Variants in FBXW10 observed in about 807,000 individuals in gnomAD.
FBXW10 encodes F-box and WD repeat domain containing 10.
In FBXW10, 68 loss-of-function variants were observed where a neutral mutation model predicts 113.1. The observed-to-expected ratio is 0.60, with a 90% CI of 0.49 to 0.74. FBXW10 has a LOEUF of 0.74. Ranked by LOEUF, FBXW10 falls within the 30% of genes least tolerant of loss-of-function variation. FBXW10 has a pLI of 0.00. For missense variants in FBXW10, 753 were observed against 1,284.5 expected (o/e 0.59, Z 6.32); for synonymous variants, 289 against 481.6 (o/e 0.60, Z 5.24).
intron 5 of FBXW10, among the ~76,000 whole-genome samples, chr17:18,753,517 C>A: frequency 6.6e-6 from 1 of 152,090 alleles, no homozygotes; most frequent in Non-Finnish European, 1.5e-5. Context: ...TGAAATAAAC[C>A]TGTTGACTGT....
Position 18,768,591 on chromosome 17 carries a change from C to T in FBXW10, c.1762C>T (p.Leu588Phe). The T allele has an allele frequency of 6.2e-7, 1 of 1,614,070 alleles. No homozygotes were observed. Among genetic ancestry groups the T allele is most frequent in the Non-Finnish European group, 8.5e-7 (1 of 1,179,978 alleles). The change falls in exon 10 of 14, where the codon CTC (leucine) becomes TTC (phenylalanine). Residue 588 changes from leucine to phenylalanine, a missense_variant. Physicochemically the swap from Leu to Phe is conservative, Grantham distance 22 (BLOSUM62 0). Coordinates refer to ENST00000395665, the MANE Select transcript of FBXW10 (RefSeq NM_001267585.2). ...CCTGTTCTTTGACCAGTGGCATCTC[C>T]TCTCAGGAAGTACTGATGGCCTGGT... is the stretch of plus-strand genomic sequence containing the variant. ...KCLFFDQWHL[L>F]SGSTDGLVMA... is the part of the protein sequence containing the mutation.
rs1026259 is a variant in FBXW10 at position 18,778,600 on chromosome 17, G to A, written c.2461G>A (p.Ala821Thr). The stretch of plus-strand genomic sequence containing the variant: ...TGACCAATTCCTCCTGACTGTTAGC[G>A]CCCTGCAGCACGCCCATAATTCCGG... The part of the protein sequence containing the change: ...SPDQFLLTVS[A>T]LQHAHNSGEF... The change falls in exon 14 of 14, where the codon GCC becomes ACC. Residue 821 changes from alanine to threonine, a missense_variant. Transcript: ENST00000395665. 131,615 of 1,613,486 alleles carry A rather than the reference G, an allele frequency of 0.082. 5,445 individuals are homozygous for A. The highest frequency in any genetic ancestry group is 0.11 in the Middle Eastern group (663 of 6,056).
chr17:18,775,742 G>T (rs1477162828), intron 13 of FBXW10, among the ~76,000 whole-genome samples: 1 of 152,164 alleles, frequency 6.6e-6, no homozygotes. Context: ...AAGAAGTGTT[G>T]CTAGGATGGG....
At chr17:18,757,053 T>C (rs1362765967) in intron 6 of FBXW10, among the ~76,000 whole-genome samples, 3 of 152,162 alleles carry the variant, frequency 2.0e-5, no homozygotes, top group Non-Finnish European at 4.4e-5. Flanking sequence ...CTTATATATA[T>C]GTGTGTACAT....
chr17:18,765,542 G>A (rs1331264331), intron 8 of FBXW10, among the ~76,000 whole-genome samples: 1 of 152,204 alleles, frequency 6.6e-6, no homozygotes, highest in Non-Finnish European at 1.5e-5. Flanking sequence ...GTCTTGTGAC[G>A]ATGAGCATGT....
intron 11 of FBXW10, among the ~76,000 whole-genome samples, chr17:18,770,660 C>T (rs1353232511): frequency 4.6e-5 from 7 of 152,064 alleles, no homozygotes; most frequent in Admixed American, 2.0e-4. Flanking sequence ...TGCAACATAA[C>T]GCTTCTGTAA....
At position 18,769,939 on chromosome 17, in the gene FBXW10, C is replaced by A. The variant is rs150006059; in HGVS notation, c.1860C>A (p.Asp620Glu). ...MAFKHPKEVL[D>E]VSLLFLRVIS... ...TGTTCCCTTCCAGGGAGGTGCTCGA[C>A]GTGTCCCTTCTCTTCCTCCGGGTCA... The change falls in exon 11 of 14, where the codon GAC (aspartate) becomes GAA (glutamate). Residue 620 changes from aspartate (D) to glutamate (E), a missense_variant. By Grantham distance (45) the Asp-to-Glu change is conservative. Coordinates refer to ENST00000395665, the MANE Select transcript of FBXW10 (RefSeq NM_001267585.2). 1.2e-6 allele frequency: 2 copies of A among 1,614,040 alleles called. No individual in the cohort carries two copies. Among genetic ancestry groups the A allele is most frequent in the Admixed American group, 3.3e-5 (2 of 60,002 alleles).
rs2035070931 is a variant in FBXW10 at position 18,747,944 on chromosome 17, T to A, written c.509T>A (p.Leu170His). 6.2e-7 allele frequency: 1 copy of A among 1,613,746 alleles called. No homozygotes were observed. Among genetic ancestry groups the A allele is most frequent in the Admixed American group, 1.7e-5 (1 of 59,994 alleles). ...FLREENNISG[L>H]NQDITDVCFS... is the part of the protein sequence containing the mutation. The stretch of plus-strand genomic sequence containing the variant: ...GTCTTGGTCTTCTGTGTTTCAGGGC[T>A]CAATCAAGACATCACAGATGTGTGT... Residue 170 changes from leucine to histidine, a missense_variant, in exon 2 of 14, where the codon CTC (leucine) becomes CAC (histidine). By Grantham distance (99) the Leu-to-His change is moderately conservative (BLOSUM62 -3). Transcript: ENST00000395665.
chr17:18,752,965 CAGA>C (rs1219559557), intron 5 of FBXW10, among the ~76,000 whole-genome samples: 1 of 152,186 alleles, frequency 6.6e-6, no homozygotes, highest in Non-Finnish European at 1.5e-5. Context: ...AATGGCCCAA[CAGA>C]AGGACTACCC....
Position 18,778,522 on chromosome 17 carries a change from G to A in FBXW10, c.2383G>A (p.Gly795Arg), listed in dbSNP as rs762357073. 6.2e-6 allele frequency: 10 copies of A among 1,613,550 alleles called. No homozygotes were observed. The Admixed American group carries it at 1.2e-4, about 19-fold the overall frequency. The change falls in exon 14 of 14, where the codon GGA (glycine) becomes AGA (arginine). Residue 795 changes from glycine to arginine, a missense_variant. By Grantham distance (125) the Gly-to-Arg change is moderately radical (BLOSUM62 -2). Coordinates refer to ENST00000395665, the MANE Select transcript of FBXW10 (RefSeq NM_001267585.2). Reference sequence around the variant, plus strand: ...AAAACAAGGACAATTGGAAACTCCTGGAAAACTGCCCAGTCACCCAAAGAA... The same window carrying A: ...AAAACAAGGACAATTGGAAACTCCTAGAAAACTGCCCAGTCACCCAAAGAA... ...AQKQGQLETP[G>R]KLPSHPKKKS...
intron 13 of FBXW10, among the ~76,000 whole-genome samples, chr17:18,777,283 C>T (rs1276740093): frequency 1.3e-5 from 2 of 151,736 alleles, no homozygotes; most frequent in African/African-American, 4.8e-5. Flanking sequence ...AGGCTGGTCT[C>T]GAACTCCCGA....
intron 11 of FBXW10, among the ~76,000 whole-genome samples, chr17:18,770,448 G>A (rs1339769890): frequency 1.3e-5 from 2 of 151,872 alleles, no homozygotes; most frequent in African/African-American, 2.4e-5. Context: ...GATTACAGGC[G>A]CCCACCAGTA....
chr17:18,776,580 A>G (rs1299141765), intron 13 of FBXW10, among the ~76,000 whole-genome samples: 2 of 152,228 alleles, frequency 1.3e-5, no homozygotes, highest in Non-Finnish European at 2.9e-5. Flanking sequence ...TGAAGGGTAA[A>G]GTCCTACGAG....
chr17:18,768,007 TTTCCTTCCTTCCTTCCTTTCTTCC>T (rs1010890266), intron 9 of FBXW10, among the ~76,000 whole-genome samples: 5 of 84,282 alleles, frequency 5.9e-5, no homozygotes, highest in African/African-American at 1.6e-4. Context: ...TATTTTTTCT[TTTCCTTCCTTCCTTCCTTTCTTCC>T]TTCCTTCCTT....
intron 5 of FBXW10, among the ~76,000 whole-genome samples, chr17:18,755,467 A>C (rs1231800864): frequency 1.3e-5 from 2 of 152,144 alleles, no homozygotes; most frequent in African/African-American, 4.8e-5. Context: ...AGGCAGGAGA[A>C]TCACTTGAAC....
chr17:18,761,021 C>G (rs1454244234), intron 7 of FBXW10, among the ~76,000 whole-genome samples: 1 of 152,026 alleles, frequency 6.6e-6, no homozygotes, highest in African/African-American at 2.4e-5. Context: ...ATAAAGTGAG[C>G]AGTTTCTCCC....
chr17:18,745,781 A>G (rs915202117), intron 1 of FBXW10, among the ~76,000 whole-genome samples: 2 of 152,198 alleles, frequency 1.3e-5, no homozygotes, highest in African/African-American at 2.4e-5. Flanking sequence ...TCTGTCTTTG[A>G]GAATCACAGG....
intron 1 of FBXW10, among the ~76,000 whole-genome samples, chr17:18,747,720 G>A (rs1181706557): frequency 1.3e-5 from 2 of 151,936 alleles, no homozygotes; most frequent in Non-Finnish European, 2.9e-5. Context: ...TAAACAACTC[G>A]AGAAATTTTA....
chr17:18,778,491 A>G lies in FBXW10; in HGVS notation c.2352A>G (p.Lys784=), dbSNP rs2035742527. The G allele has an allele frequency of 2.5e-6, 4 of 1,613,248 alleles. No individual in the cohort carries two copies. The African/African-American group carries it at 4.0e-5, about 16-fold the overall frequency. Residue 784 remains lysine (K), a synonymous_variant, in exon 14 of 14, where the codon AAA becomes AAG. Coordinates refer to ENST00000395665, the MANE Select transcript of FBXW10 (RefSeq NM_001267585.2). ...TTGAAAAAGCAGATGATGTGGAGAA[A>G]GCACAAAAACAAGGACAATTGGAAA... ...SPRRDADDVE[K]AQKQGQLETP...
Sources: gnomAD v4.1 joint callset for allele counts (sites outside exome capture counted in the v4.1 genomes callset) on GRCh38, gnomAD v4.1.1 for gene constraint, MANE v1.5 for transcripts, NCBI Gene and HGNC (gene_info 2026-07-23, HGNC 2026-07-21) for gene names.